LRRC3B: variants seen among roughly 807,000 people sequenced by gnomAD.
LRRC3B encodes the protein leucine-rich repeat-containing protein 3B.
A neutral mutation model predicts 12.8 loss-of-function variants in LRRC3B; 2 were observed. The observed-to-expected ratio is 0.16, with a 90% CI of 0.06 to 0.49. The LOEUF is 0.49. Among genes scored for constraint, LRRC3B ranks in the 20% least tolerant of loss-of-function variants. LRRC3B has a pLI of 0.96. For missense variants in LRRC3B, 189 were observed against 319.4 expected (o/e 0.59, Z 3.11); for synonymous variants, 132 against 122.0 (o/e 1.08, Z -0.54).
intron 1 of LRRC3B, among the ~76,000 whole-genome samples, chr3:26,695,929 C>A (rs772547447): frequency 6.6e-6 from 1 of 152,204 alleles, no homozygotes; most frequent in South Asian, 2.1e-4. Context: ...CAGCTCTGCA[C>A]AGTTTAACTT....
intron 1 of LRRC3B, chr3:26,694,783 C>T (rs941759697): frequency 3.9e-5 from 6 of 152,178 alleles, no homozygotes; most frequent in African/African-American, 7.2e-5. Flanking sequence ...AGAAGAGGCA[C>T]TATGTCTCAT....
At chr3:26,635,735 G>C (rs556499177) in intron 1 of LRRC3B, among the ~76,000 whole-genome samples, 2 of 152,224 alleles carry the variant, frequency 1.3e-5, no homozygotes, top group Non-Finnish European at 2.9e-5. Context: ...CACCTTGTAA[G>C]CATCTCTTGG....
chr3:26,660,628 G>A (rs563199057), intron 1 of LRRC3B, among the ~76,000 whole-genome samples: 78 of 152,226 alleles, frequency 5.1e-4, no homozygotes, highest in African/African-American at 1.8e-3. Flanking sequence ...GTCTTCCAGA[G>A]CATTGCTTGC....
At chr3:26,636,525 G>A (rs1186946901) in intron 1 of LRRC3B, among the ~76,000 whole-genome samples, 2 of 152,148 alleles carry the variant, frequency 1.3e-5, no homozygotes, top group African/African-American at 4.8e-5. Flanking sequence ...AGAGTCTGAA[G>A]TGCTTAGGTA....
At chr3:26,667,422 A>G (rs1182727281) in intron 1 of LRRC3B, among the ~76,000 whole-genome samples, 1 of 152,222 alleles carries the variant, frequency 6.6e-6, no homozygotes, top group African/African-American at 2.4e-5. Flanking sequence ...TAAAGAAAGT[A>G]ACAGTTTATT....
chr3:26,660,091 G>A (rs1206324050), intron 1 of LRRC3B, among the ~76,000 whole-genome samples: 1 of 151,976 alleles, frequency 6.6e-6, no homozygotes, highest in Non-Finnish European at 1.5e-5. Flanking sequence ...AAAATATAGG[G>A]CTCCCTTCAT....
intron 1 of LRRC3B, 119 bp downstream of exon 1, chr3:26,623,356 G>C (rs1698552962): frequency 6.6e-6 from 1 of 152,336 alleles, no homozygotes; most frequent in Non-Finnish European, 1.5e-5. Flanking sequence ...TCTAAGCCGT[G>C]CCTGTCTAAG....
chr3:26,635,088 T>G (rs1293367985), intron 1 of LRRC3B, among the ~76,000 whole-genome samples: 1 of 152,142 alleles, frequency 6.6e-6, no homozygotes, highest in Non-Finnish European at 1.5e-5. Flanking sequence ...TGCAGAAATT[T>G]TACTACCTCT....
chr3:26,685,767 T>C (rs2125445264), intron 1 of LRRC3B, among the ~76,000 whole-genome samples: 1 of 152,178 alleles, frequency 6.6e-6, no homozygotes, highest in African/African-American at 2.4e-5. Flanking sequence ...CTCTATTCAC[T>C]GAGCAAGTTG....
chr3:26,709,526 G>C, exon 2 of LRRC3B: 1 of 773,936 alleles, frequency 1.3e-6, no homozygotes, highest in South Asian at 1.8e-5. Context: ...CCCAAGCAAG[G>C]AAAGAAATAA....
At chr3:26,643,311 T>C (rs894644962) in intron 1 of LRRC3B, among the ~76,000 whole-genome samples, 5 of 152,028 alleles carry the variant, frequency 3.3e-5, no homozygotes, top group Admixed American at 2.0e-4. Context: ...TGTGGTTGTA[T>C]GAAAACACAT....
chr3:26,699,255 T>C (rs1700395117), intron 1 of LRRC3B, among the ~76,000 whole-genome samples: 1 of 152,160 alleles, frequency 6.6e-6, no homozygotes, highest in Non-Finnish European at 1.5e-5. Context: ...AGAATGATCT[T>C]ATATTTTAGG....
intron 1 of LRRC3B, among the ~76,000 whole-genome samples, chr3:26,706,825 T>A (rs937386657): frequency 6.6e-6 from 1 of 152,220 alleles, no homozygotes; most frequent in South Asian, 2.1e-4. Flanking sequence ...TGTTGCCATA[T>A]AAGACCAGTA....
At chr3:26,679,375 C>G (rs1014544460) in intron 1 of LRRC3B, among the ~76,000 whole-genome samples, 1 of 152,246 alleles carries the variant, frequency 6.6e-6, no homozygotes, top group African/African-American at 2.4e-5. Context: ...GATGGCCTCA[C>G]CAAGCCGGTC....
intron 1 of LRRC3B, among the ~76,000 whole-genome samples, chr3:26,646,614 A>C (rs1228795441): frequency 4.8e-5 from 3 of 63,110 alleles, no homozygotes; most frequent in East Asian, 3.0e-4. Context: ...AAAAAAAAAA[A>C]AAAAAAAAAA....
chr3:26,658,180 C>T (rs1047537152), intron 1 of LRRC3B, among the ~76,000 whole-genome samples: 23 of 152,060 alleles, frequency 1.5e-4, no homozygotes, highest in Non-Finnish European at 3.4e-4. Flanking sequence ...GGGTTCACGC[C>T]ATTCTCCTGC....
intron 1 of LRRC3B, among the ~76,000 whole-genome samples, chr3:26,689,430 C>G (rs1007546423): frequency 2.0e-5 from 3 of 152,216 alleles, no homozygotes; most frequent in African/African-American, 4.8e-5. Context: ...TGACCTCCTT[C>G]TGACAGTGGC....
intron 1 of LRRC3B, among the ~76,000 whole-genome samples, chr3:26,691,539 G>A (rs1240366441): frequency 2.0e-5 from 3 of 152,228 alleles, no homozygotes; most frequent in South Asian, 2.1e-4. Context: ...ATAAAAACGG[G>A]AAGGAAGGAT....
chr3:26,669,886 G>T (rs1699684519), intron 1 of LRRC3B, among the ~76,000 whole-genome samples: 1 of 152,178 alleles, frequency 6.6e-6, no homozygotes, highest in African/African-American at 2.4e-5. Context: ...TTGCTTCCTT[G>T]AGGATGGGGA....
Sources: gnomAD v4.1 joint callset for allele counts (sites outside exome capture counted in the v4.1 genomes callset) on GRCh38, gnomAD v4.1.1 for gene constraint, MANE v1.5 for transcripts, NCBI Gene and HGNC (gene_info 2026-07-23, HGNC 2026-07-21) for gene names.